PPP2R2B: variants seen among roughly 807,000 people sequenced by gnomAD.
PPP2R2B encodes protein phosphatase 2 regulatory subunit Bbeta, also known as serine/threonine-protein phosphatase 2A 55 kDa regulatory subunit B beta isoform.
PPP2R2B carries 5 observed loss-of-function variants against 46.0 expected under a neutral mutation model. The observed-to-expected ratio is 0.11, with a 90% CI of 0.06 to 0.23. The LOEUF is 0.23. Ranked by LOEUF, PPP2R2B falls within the 10% of genes least tolerant of loss-of-function variation. The probability of loss-of-function intolerance (pLI) is 1.00; values close to 1 mark genes in which losing one functional copy is unlikely to be tolerated. For synonymous variants in PPP2R2B, 215 were observed against 206.7 expected (o/e 1.04, Z -0.34); for missense variants, 367 against 575.0 (o/e 0.64, Z 3.70).
At chr5:146,930,485 T>TC (rs1201576578) in intron 1 of PPP2R2B, among the ~76,000 whole-genome samples, 1 of 152,200 alleles carries the variant, frequency 6.6e-6, no homozygotes, top group Non-Finnish European at 1.5e-5. Context: ...CCTGGAGGGA[T>TC]TGTGGCAATG....
At position 146,811,304 on chromosome 5, in the gene PPP2R2B, C is replaced by T. The variant is rs1206149819; in HGVS notation, c.70+66698G>A. Among the ~76,000 whole-genome samples, 3 of 152,152 alleles carry T rather than the reference C, an allele frequency of 2.0e-5. 1 individual carries two copies. The South Asian group carries it at 6.2e-4, about 32-fold the overall frequency. On this transcript the variant is annotated intron_variant, in intron 2 of 9. Transcript: ENST00000394411. ...TGAGCCACGGCGTCCAGCCATATGG[C>T]TCCTATCTCTATTAGTCTATAGTAA...
intron 6 of PPP2R2B, among the ~76,000 whole-genome samples, chr5:146,644,934 A>G (rs753908584): frequency 2.0e-5 from 3 of 152,126 alleles, no homozygotes; most frequent in Non-Finnish European, 4.4e-5. Flanking sequence ...TGACATGCGT[A>G]TTTCCCCAAT....
intron 1 of PPP2R2B, among the ~76,000 whole-genome samples, chr5:146,898,500 A>C (rs1257888981): frequency 2.6e-5 from 4 of 152,146 alleles, no homozygotes; most frequent in Admixed American, 2.6e-4. Flanking sequence ...CTTGAACATT[A>C]GACCTAAAAC....
At chr5:146,868,065 G>A (rs1034960239) in intron 2 of PPP2R2B, among the ~76,000 whole-genome samples, 1 of 152,188 alleles carries the variant, frequency 6.6e-6, no homozygotes, top group Non-Finnish European at 1.5e-5. Flanking sequence ...TTCCCCATCA[G>A]TGTGGCAAGA....
intron 1 of PPP2R2B, among the ~76,000 whole-genome samples, chr5:146,940,685 T>C (rs557156187): frequency 2.6e-5 from 4 of 152,306 alleles, no homozygotes; most frequent in African/African-American, 9.6e-5. Flanking sequence ...GTTTCCGTCA[T>C]TTGAAACTGC....
chr5:146,798,797 G>A (rs1005438332), intron 2 of PPP2R2B, among the ~76,000 whole-genome samples: 1 of 152,118 alleles, frequency 6.6e-6, no homozygotes, highest in African/African-American at 2.4e-5. Context: ...TGTAGCTTCA[G>A]GAATTAACTT....
upstream of PPP2R2B, among the ~76,000 whole-genome samples, chr5:147,059,576 C>T (rs1757197008): frequency 6.6e-6 from 1 of 152,060 alleles, no homozygotes; most frequent in African/African-American, 2.4e-5. Context: ...AAACCAGCAG[C>T]CTCAGAGAAA....
At chr5:146,726,433 G>A (rs1429439279) in intron 2 of PPP2R2B, among the ~76,000 whole-genome samples, 1 of 152,100 alleles carries the variant, frequency 6.6e-6, no homozygotes, top group Non-Finnish European at 1.5e-5. Flanking sequence ...GTATGGCCAA[G>A]TATAAACACA....
chr5:146,696,098 A>G (rs1362840188), intron 4 of PPP2R2B, among the ~76,000 whole-genome samples: 1 of 151,916 alleles, frequency 6.6e-6, no homozygotes, highest in African/African-American at 2.4e-5. Flanking sequence ...GTAGTTAATA[A>G]ATCCTTGAGT....
At chr5:146,707,545 G>T in intron 2 of PPP2R2B, 1 of 722,634 alleles carries the variant, frequency 1.4e-6, no homozygotes, top group Non-Finnish European at 2.5e-6. Flanking sequence ...AGCTGCAGAA[G>T]GCCCGGGTGC....
At chr5:146,773,745 C>A (rs1755010110) in intron 2 of PPP2R2B, among the ~76,000 whole-genome samples, 1 of 152,148 alleles carries the variant, frequency 6.6e-6, no homozygotes. Flanking sequence ...ACAGCTATTT[C>A]AGATAAAATA....
At chr5:146,855,009 G>C (rs1244636859) in intron 2 of PPP2R2B, among the ~76,000 whole-genome samples, 1 of 152,080 alleles carries the variant, frequency 6.6e-6, no homozygotes, top group Non-Finnish European at 1.5e-5. Flanking sequence ...TCTTGGAGGA[G>C]GAATAGGGGG....
chr5:146,957,201 C>T (rs1440035905), intron 1 of PPP2R2B, among the ~76,000 whole-genome samples: 1 of 152,184 alleles, frequency 6.6e-6, no homozygotes, highest in African/African-American at 2.4e-5. Context: ...AGGGGACATA[C>T]ACTACCCAGG....
At chr5:146,615,497 T>A (rs1426871372) in intron 7 of PPP2R2B, among the ~76,000 whole-genome samples, 116 of 68,770 alleles carry the variant, frequency 1.7e-3, no homozygotes, top group Middle Eastern at 0.011. Context: ...AAACTTAGAG[T>A]ATAATAAAAA....
At chr5:146,654,847 G>A (rs975298637) in intron 5 of PPP2R2B, among the ~76,000 whole-genome samples, 6 of 152,172 alleles carry the variant, frequency 3.9e-5, no homozygotes, top group African/African-American at 1.2e-4. Context: ...CCATCTGCCT[G>A]AGCCATCCTC....
intron 2 of PPP2R2B, among the ~76,000 whole-genome samples, chr5:146,758,508 G>T (rs1023835093): frequency 1.3e-5 from 2 of 152,062 alleles, no homozygotes; most frequent in Non-Finnish European, 2.9e-5. Flanking sequence ...ATGTTTACAT[G>T]ACATTTAAAA....
intron 1 of PPP2R2B, among the ~76,000 whole-genome samples, chr5:146,995,803 G>A (rs1243982565): frequency 6.6e-6 from 1 of 152,178 alleles, no homozygotes; most frequent in Non-Finnish European, 1.5e-5. Flanking sequence ...CACAAGGTGG[G>A]CAGGCACACA....
intron 2 of PPP2R2B, among the ~76,000 whole-genome samples, chr5:146,757,683 C>A (rs758711718): frequency 2.2e-4 from 33 of 152,110 alleles, no homozygotes; most frequent in East Asian, 9.6e-4. Flanking sequence ...TACAAACATG[C>A]GATATGGGGG....
In PPP2R2B at chr5:146,888,448, A is replaced by G. The variant is rs182368998; in HGVS notation, c.79+167217T>C. On this transcript the variant is annotated intron_variant, in intron 1 of 8. Transcript: ENST00000336640. The stretch of plus-strand genomic sequence containing the variant: ...CCACTGCTGCTACCATGCTCCAACT[A>G]TCATCCTATCTCACCATGATTATAT... Among the ~76,000 whole-genome samples the G allele has an allele frequency of 1.1e-3, 169 of 152,028 alleles. 1 individual carries two copies. The highest frequency in any genetic ancestry group is 3.6e-3 in the African/African-American group (149 of 41,406).
Sources: allele counts gnomAD v4.1 joint callset (sites outside exome capture counted in the v4.1 genomes callset), GRCh38; gene constraint gnomAD v4.1.1; transcripts MANE v1.5; gene names NCBI Gene and HGNC (gene_info 2026-07-23, HGNC 2026-07-21).